The following RAB8B variants were observed in gnomAD, a reference collection of about 807,000 sequenced individuals.
RAB8B encodes the protein ras-related protein Rab-8B.
RAB8B carries 11 observed loss-of-function variants against 32.0 expected under a neutral mutation model. The ratio of observed to expected loss-of-function variants is 0.34; its 90% CI spans 0.22 to 0.57. RAB8B has a LOEUF of 0.57. Among genes scored for constraint, RAB8B ranks in the 20% least tolerant of loss-of-function variants. The pLI, the probability that RAB8B is intolerant of heterozygous loss-of-function variation, is 0.86. For missense variants in RAB8B, 190 were observed against 258.5 expected (o/e 0.73, Z 1.82); for synonymous variants, 103 against 89.6 (o/e 1.15, Z -0.85).
At chr15:63,200,342 G>A (rs1217860530) in intron 1 of RAB8B, among the ~76,000 whole-genome samples, 2 of 152,182 alleles carry the variant, frequency 1.3e-5, no homozygotes, top group Non-Finnish European at 2.9e-5. Flanking sequence ...TAAAGAGATT[G>A]CTTAATGTTT....
rs1216930953 is a variant in RAB8B, at chr15:63,259,195, C to G, written c.415-432C>G. Among the ~76,000 whole-genome samples, 2 of 152,196 alleles carry G rather than the reference C, an allele frequency of 1.3e-5. No homozygotes were observed. The highest frequency in any genetic ancestry group is 2.9e-5 in the Non-Finnish European group (2 of 68,038). Reference sequence around the variant, plus strand: ...AGTGCAGTGGTGCGATCTCGGCTTACTCCAACCTCTGCCTCCTGGGTTCAA... The same window carrying G: ...AGTGCAGTGGTGCGATCTCGGCTTAGTCCAACCTCTGCCTCCTGGGTTCAA... On this transcript the variant is annotated intron_variant, in intron 5 of 7. Transcript: ENST00000321437. This position sits in a 1 kb window ranked among gnomAD's most constrained non-coding sequence, Gnocchi z 4.4.
At chr15:63,258,139 T>G (rs1324143009) in intron 5 of RAB8B, among the ~76,000 whole-genome samples, 1 of 151,662 alleles carries the variant, frequency 6.6e-6, no homozygotes, top group Non-Finnish European at 1.5e-5. Context: ...TTCACTCTTG[T>G]CACCCAGGCT....
intron 1 of RAB8B, among the ~76,000 whole-genome samples, chr15:63,214,300 T>C (rs2037773618): frequency 2.1e-5 from 3 of 144,074 alleles, no homozygotes; most frequent in South Asian, 2.3e-4. Context: ...TTTTTTTTTT[T>C]TTTTTTTTTG....
chr15:63,197,337 CTTT>C (rs36029199), intron 1 of RAB8B, among the ~76,000 whole-genome samples: 1 of 92,232 alleles, frequency 1.1e-5, no homozygotes, highest in African/African-American at 4.0e-5. Flanking sequence ...AAGTGGCTTT[CTTT>C]TTTTTTTTCT....
At chr15:63,200,105 G>C (rs1288913205) in intron 1 of RAB8B, among the ~76,000 whole-genome samples, 1 of 152,176 alleles carries the variant, frequency 6.6e-6, no homozygotes, top group Non-Finnish European at 1.5e-5. Flanking sequence ...AGGCCTCGAT[G>C]GTCTTCAGGT....
intron 1 of RAB8B, among the ~76,000 whole-genome samples, chr15:63,221,573 GTC>G (rs2037844730): frequency 1.3e-5 from 2 of 152,068 alleles, no homozygotes; most frequent in South Asian, 2.1e-4. Flanking sequence ...AGTTCACCAG[GTC>G]ATCCTGTCCC....
chr15:63,260,273 C>T (rs1023897202), intron 6 of RAB8B, among the ~76,000 whole-genome samples: 49 of 152,328 alleles, frequency 3.2e-4, no homozygotes, highest in Admixed American at 2.9e-3. Context: ...AGCTGGAAAT[C>T]CTGGACTAGA....
intron 1 of RAB8B, among the ~76,000 whole-genome samples, chr15:63,243,633 T>G (rs1481638519): frequency 6.6e-6 from 1 of 152,162 alleles, no homozygotes; most frequent in Non-Finnish European, 1.5e-5. Flanking sequence ...TGGGAAACTT[T>G]AAAAATTACC....
chr15:63,245,041 A>C (rs571288641), intron 2 of RAB8B, among the ~76,000 whole-genome samples: 3 of 152,368 alleles, frequency 2.0e-5, no homozygotes, highest in Admixed American at 2.0e-4. Flanking sequence ...GAGATCTGAT[A>C]GCTCATCTTT....
At chr15:63,257,935 C>T (rs925919262) in intron 5 of RAB8B, among the ~76,000 whole-genome samples, 5 of 151,200 alleles carry the variant, frequency 3.3e-5, no homozygotes, top group African/African-American at 9.7e-5. Context: ...GGCGTGCGTG[C>T]GTCTGTAGTC....
chr15:63,230,500 C>A (rs947830706), intron 1 of RAB8B, among the ~76,000 whole-genome samples: 8 of 152,078 alleles, frequency 5.3e-5, no homozygotes, highest in African/African-American at 1.9e-4. Flanking sequence ...CACGGTTTCG[C>A]CACGTTGGCC....
intron 1 of RAB8B, among the ~76,000 whole-genome samples, chr15:63,218,675 C>T (rs544562614): frequency 5.7e-4 from 87 of 152,260 alleles, no homozygotes; most frequent in African/African-American, 2.0e-3. Flanking sequence ...TTGTGATGGG[C>T]GTTTCTCTCT....
intron 2 of RAB8B, among the ~76,000 whole-genome samples, chr15:63,249,240 T>A (rs2038095333): frequency 6.6e-6 from 1 of 152,094 alleles, no homozygotes; most frequent in South Asian, 2.1e-4. Context: ...AATCAGACAT[T>A]CAGGCAAGAA....
chr15:63,204,050 C>G (rs2037676045), intron 1 of RAB8B, among the ~76,000 whole-genome samples: 1 of 151,688 alleles, frequency 6.6e-6, no homozygotes, highest in Non-Finnish European at 1.5e-5. Flanking sequence ...AAGCACAGGG[C>G]CTATCACGCA....
chr15:63,240,046 G>A (rs1236007469), intron 1 of RAB8B, among the ~76,000 whole-genome samples: 1 of 152,070 alleles, frequency 6.6e-6, no homozygotes, highest in Admixed American at 6.6e-5. Flanking sequence ...GAGGTATGGG[G>A]CCCACTGAGA....
chr15:63,245,525 C>CT lies in RAB8B; in HGVS notation c.185+717dup, dbSNP rs202033992. On this transcript the variant is annotated intron_variant, in intron 2 of 7. Transcript: ENST00000321437. The stretch of plus-strand genomic sequence containing the variant: ...CAGATGCCAATTGGGTGTCCTATAC[C>CT]TTTTTTTTAATTCTTTTTTTAATTT... Among the ~76,000 whole-genome samples the CT allele has an allele frequency of 6.1e-4, 93 of 152,150 alleles. 1 individual carries two copies. In the East Asian group the frequency reaches 0.017, roughly 28 times the overall value.
intron 1 of RAB8B, among the ~76,000 whole-genome samples, chr15:63,220,659 C>T (rs940718930): frequency 6.6e-6 from 1 of 152,012 alleles, no homozygotes; most frequent in South Asian, 2.1e-4. Context: ...CTTAATTTGC[C>T]AGCCATTAAG....
At chr15:63,225,968 G>GTA (rs2037885991) in intron 1 of RAB8B, among the ~76,000 whole-genome samples, 2 of 152,050 alleles carry the variant, frequency 1.3e-5, no homozygotes, top group Admixed American at 6.6e-5. Context: ...GGCCCCATCA[G>GTA]TAGCTGCGAC....
chr15:63,263,757 A>G lies in RAB8B; in HGVS notation c.*138A>G, dbSNP rs1188865329. On this transcript the variant is annotated 3_prime_UTR_variant, in exon 8 of 8. Transcript: ENST00000321437. ...CTGAACTTAGACCTCTCAACACAGT[A>G]TGCCAAGTGGATTCCAGCCTCATGG... The G allele has an allele frequency of 1.7e-6, 1 of 598,720 alleles. No homozygotes were observed. The highest frequency in any genetic ancestry group is 2.9e-6 in the Non-Finnish European group (1 of 343,648). 37.1% of individuals were successfully genotyped at this position (598,720 alleles called of 1,614,324 possible). A position where few individuals can be genotyped will look rare whatever the true frequency, so the allele number is the denominator to read the frequency against.
Sources: gnomAD v4.1 joint callset for allele counts (sites outside exome capture counted in the v4.1 genomes callset) on GRCh38, gnomAD v4.1.1 for gene constraint, Gnocchi (gnomAD v3.1) non-coding constraint, MANE v1.5 for transcripts, NCBI Gene and HGNC (gene_info 2026-07-23, HGNC 2026-07-21) for gene names.